LUZP2: variants seen among roughly 807,000 people sequenced by gnomAD.
LUZP2 encodes leucine zipper protein 2.
A neutral mutation model predicts 51.6 loss-of-function variants in LUZP2; 52 were observed. The ratio of observed to expected loss-of-function variants is 1.01; its 90% CI spans 0.81 to 1.27. The LOEUF is 1.27. LUZP2 is among the 50% of genes most tolerant of loss of function. The probability of loss-of-function intolerance (pLI) is 0.00; values close to 1 mark genes in which losing one functional copy is unlikely to be tolerated. For synonymous variants in LUZP2, 154 were observed against 137.3 expected, an observed-to-expected ratio of 1.12 and a Z score of -0.85; for missense variants, 436 against 395.4, an observed-to-expected ratio of 1.10 and a Z score of -0.87.
chr11:24,777,083 C>T lies in LUZP2; in HGVS notation c.396+13775C>T, dbSNP rs539651832. 4.7e-5 allele frequency among the ~76,000 whole-genome samples: 7 copies of T among 150,388 alleles called. No individual in the cohort carries two copies. The South Asian group carries it at 1.5e-3, about 32-fold the overall frequency. ...GATCTCGGCTCACTGCAAGCTCAGC[C>T]TCCCGGGTTCATGCCATTCTCCTGC... On this transcript the variant is annotated intron_variant, in intron 5 of 11. Coordinates refer to ENST00000336930, the MANE Select transcript of LUZP2 (RefSeq NM_001009909.4).
At chr11:24,926,485 A>ATATATATACGTGTATATATGTGTGTG (rs1565120071) in intron 7 of LUZP2, among the ~76,000 whole-genome samples, 16 of 98,524 alleles carry the variant, frequency 1.6e-4, no homozygotes, top group African/African-American at 6.8e-4. Context: ...ATGTGTGTGT[A>ATATATATACGTGTATATATGTGTGTG]TATATATGTG....
intron 1 of LUZP2, among the ~76,000 whole-genome samples, chr11:24,510,895 C>T (rs1410883597): frequency 6.6e-6 from 1 of 152,138 alleles, no homozygotes; most frequent in Admixed American, 6.5e-5. Context: ...CCAGCTCCTT[C>T]CAGCTTGTTG....
intron 1 of LUZP2, among the ~76,000 whole-genome samples, chr11:24,655,215 G>C (rs1855764905): frequency 6.6e-6 from 1 of 152,008 alleles, no homozygotes; most frequent in South Asian, 2.1e-4. Context: ...AGAGACTTTT[G>C]TTACAAGTTA....
rs573851407 is a variant in LUZP2 at position 24,751,285 on chromosome 11, A to T, written c.334-11961A>T. On this transcript the variant is annotated intron_variant, in intron 4 of 11. Coordinates refer to ENST00000336930, the MANE Select transcript of LUZP2 (RefSeq NM_001009909.4). ...TAATGAGTGATTCCTGGAAAGAAAGATGACTCACAGAAATGAATATATATG... is the reference window on the plus strand; with the variant it reads ...TAATGAGTGATTCCTGGAAAGAAAGTTGACTCACAGAAATGAATATATATG... 2.0e-5 allele frequency among the ~76,000 whole-genome samples: 3 copies of T among 152,178 alleles called. No individual in the cohort carries two copies. The East Asian group carries it at 5.8e-4, about 29-fold the overall frequency.
intron 1 of LUZP2, among the ~76,000 whole-genome samples, chr11:24,550,875 G>A (rs1851704750): frequency 6.6e-6 from 1 of 151,952 alleles, no homozygotes; most frequent in African/African-American, 2.4e-5. Flanking sequence ...AGAGTTCAAG[G>A]CTGCAGTGAG....
intron 1 of LUZP2, among the ~76,000 whole-genome samples, chr11:24,545,920 A>G (rs972077322): frequency 9.2e-5 from 14 of 152,052 alleles, no homozygotes; most frequent in African/African-American, 3.4e-4. Context: ...ATCCATGAGC[A>G]TAGCTTTTTT....
chr11:24,664,836 G>A (rs1378041822), intron 1 of LUZP2, among the ~76,000 whole-genome samples: 1 of 152,190 alleles, frequency 6.6e-6, no homozygotes, highest in Non-Finnish European at 1.5e-5. Context: ...GGATGTCCAG[G>A]CAGGAGTTTG....
At chr11:24,649,335 G>A (rs755267090) in intron 1 of LUZP2, among the ~76,000 whole-genome samples, 1 of 152,056 alleles carries the variant, frequency 6.6e-6, no homozygotes, top group East Asian at 1.9e-4. Flanking sequence ...CTTGAAGAGG[G>A]TGATTTTTAT....
At chr11:24,530,978 C>A (rs2133823827) in intron 1 of LUZP2, among the ~76,000 whole-genome samples, 1 of 149,552 alleles carries the variant, frequency 6.7e-6, no homozygotes, top group Admixed American at 6.7e-5. Context: ...CTAATTATTT[C>A]CAAATTTAAT....
At chr11:24,927,752 A>T (rs1288657267) in intron 7 of LUZP2, among the ~76,000 whole-genome samples, 6 of 151,426 alleles carry the variant, frequency 4.0e-5, no homozygotes, top group Non-Finnish European at 8.9e-5. Flanking sequence ...AATTTTAGAA[A>T]TTTTTTTCTA....
At chr11:24,593,191 C>T (rs937552671) in intron 1 of LUZP2, among the ~76,000 whole-genome samples, 3 of 152,266 alleles carry the variant, frequency 2.0e-5, no homozygotes, top group African/African-American at 4.8e-5. Context: ...AACTCCCTAG[C>T]GCTGTATTTC....
At chr11:24,658,736 C>A (rs1413190277) in intron 1 of LUZP2, among the ~76,000 whole-genome samples, 1 of 152,080 alleles carries the variant, frequency 6.6e-6, no homozygotes, top group Non-Finnish European at 1.5e-5. Context: ...AAGAAAAAAA[C>A]AACCCCATCA....
chr11:24,675,229 TA>T (rs1365975963), intron 1 of LUZP2, among the ~76,000 whole-genome samples: 2 of 152,168 alleles, frequency 1.3e-5, no homozygotes, highest in Admixed American at 1.3e-4. Context: ...AGGGGAAAAT[TA>T]GATCCCATTT....
At chr11:24,602,247 T>C (rs527727840) in intron 1 of LUZP2, among the ~76,000 whole-genome samples, 2,515 of 133,140 alleles carry the variant, frequency 0.019, 93 homozygotes, top group Middle Eastern at 0.027. Context: ...TATATATGTA[T>C]ATATATGCAA....
chr11:24,870,766 A>G (rs1852045630), intron 5 of LUZP2, among the ~76,000 whole-genome samples: 1 of 152,100 alleles, frequency 6.6e-6, no homozygotes. Context: ...TCGGCTAAAA[A>G]TTTTATTGAA....
intron 1 of LUZP2, among the ~76,000 whole-genome samples, chr11:24,687,240 G>A (rs933458570): frequency 2.9e-5 from 1 of 34,732 alleles, no homozygotes. Flanking sequence ...ATGCCCTTGT[G>A]TGACAAAATA....
At chr11:24,513,799 C>T (rs1296463293) in intron 1 of LUZP2, among the ~76,000 whole-genome samples, 2 of 152,194 alleles carry the variant, frequency 1.3e-5, no homozygotes, top group African/African-American at 4.8e-5. Context: ...TGGAAGATCA[C>T]CACCTTTTGT....
At chr11:24,860,739 G>A (rs1851715343) in intron 5 of LUZP2, among the ~76,000 whole-genome samples, 1 of 151,954 alleles carries the variant, frequency 6.6e-6, no homozygotes, top group African/African-American at 2.4e-5. Context: ...AGACAAACAG[G>A]CAGAAAACAA....
At chr11:24,963,855 C>T (rs1051026950) in intron 7 of LUZP2, among the ~76,000 whole-genome samples, 2 of 152,238 alleles carry the variant, frequency 1.3e-5, no homozygotes, top group African/African-American at 2.4e-5. Flanking sequence ...CCGTCTTCTG[C>T]GTTGCTCATG....
Sources: allele counts gnomAD v4.1 joint callset (sites outside exome capture counted in the v4.1 genomes callset), GRCh38; gene constraint gnomAD v4.1.1; transcripts MANE v1.5; gene names NCBI Gene and HGNC (gene_info 2026-07-23, HGNC 2026-07-21).